Variants in AHCYL2 observed in about 807,000 individuals in gnomAD.
The protein encoded by AHCYL2 is adenosylhomocysteinase like 2.
A neutral mutation model predicts 81.4 loss-of-function variants in AHCYL2; 28 were observed. The observed-to-expected ratio is 0.34, with a 90% CI of 0.25 to 0.47. The LOEUF (loss-of-function observed/expected upper bound fraction) is 0.47, where lower values mean the gene tolerates loss of function less well. Among genes scored for constraint, AHCYL2 ranks in the 20% least tolerant of loss-of-function variants. AHCYL2 has a pLI of 1.00. For synonymous variants in AHCYL2, 272 were observed against 290.2 expected (o/e 0.94, Z 0.64); for missense variants, 551 against 785.1 (o/e 0.70, Z 3.56).
Position 129,414,420 on chromosome 7 carries a change from C to CTTTTT in AHCYL2, c.1461+746_1461+750dup, listed in dbSNP as rs10653631. Among the ~76,000 whole-genome samples, 296 of 125,414 alleles carry CTTTTT rather than the reference C, an allele frequency of 2.4e-3. 9 individuals carry two copies. Among genetic ancestry groups the CTTTTT allele is most frequent in the Middle Eastern group, 4.3e-3 (1 of 230 alleles). 82.3% of individuals were successfully genotyped at this position (125,414 alleles called of 152,430 possible). On this transcript the variant is annotated intron_variant, in intron 12 of 16. Transcript: ENST00000325006. Reference sequence around the variant, plus strand: ...GTAATAGTTAATAGAAATGTTGTTTCTTTTTTTTTTTTTTTTTTGAGACGG... The same window carrying CTTTTT: ...GTAATAGTTAATAGAAATGTTGTTTCTTTTTTTTTTTTTTTTTTTTTTTGAGACGG...
Position 129,379,840 on chromosome 7 carries a change from G to A in AHCYL2, c.475+91G>A, listed in dbSNP as rs932040280. On this transcript the variant is annotated intron_variant, in intron 2 of 16. Coordinates refer to ENST00000325006, the MANE Select transcript of AHCYL2 (RefSeq NM_015328.4). Reference sequence around the variant, plus strand: ...TGTCTATCCAAGGCTAATTAAGCATGACCAAGACTGTGCTTTGAATAAATA... The same window carrying A: ...TGTCTATCCAAGGCTAATTAAGCATAACCAAGACTGTGCTTTGAATAAATA... 3 of 909,380 alleles carry A rather than the reference G, an allele frequency of 3.3e-6. No individual in the cohort carries two copies. The African/African-American group carries it at 5.1e-5, about 16-fold the overall frequency. The allele number at this position is 909,380 out of a possible 1,614,324, so 56.3% of individuals were successfully genotyped here. A position where few individuals can be genotyped will look rare whatever the true frequency, so the allele number is the denominator to read the frequency against.
intron 1 of AHCYL2, among the ~76,000 whole-genome samples, chr7:129,347,677 C>T (rs538688424): frequency 3.1e-4 from 47 of 152,178 alleles, no homozygotes; most frequent in African/African-American, 1.1e-3. Context: ...TGAACAATTA[C>T]AGTCCTTGGA....
chr7:129,239,206 A>G (rs2150686302), intron 1 of AHCYL2, among the ~76,000 whole-genome samples: 1 of 152,344 alleles, frequency 6.6e-6, no homozygotes, highest in Middle Eastern at 3.4e-3. Flanking sequence ...AGTTAGAGAC[A>G]GTTTATTAAG....
intron 1 of AHCYL2, among the ~76,000 whole-genome samples, chr7:129,255,431 A>G (rs1217798512): frequency 1.3e-5 from 2 of 152,256 alleles, no homozygotes; most frequent in Non-Finnish European, 2.9e-5. Context: ...TGTTGACAGT[A>G]TATCTGAATT....
intron 1 of AHCYL2, among the ~76,000 whole-genome samples, chr7:129,303,455 A>G (rs939168859): frequency 1.3e-5 from 2 of 152,226 alleles, no homozygotes; most frequent in Admixed American, 6.5e-5. Context: ...ATAATTGCTC[A>G]TAGTAGCCTC....
chr7:129,281,009 G>A (rs1261352973), intron 1 of AHCYL2, among the ~76,000 whole-genome samples: 7 of 151,624 alleles, frequency 4.6e-5, no homozygotes, highest in Non-Finnish European at 8.8e-5. Flanking sequence ...GACTACAGGC[G>A]CCCGCCACCA....
chr7:129,245,284 C>G (rs995096372), intron 1 of AHCYL2, among the ~76,000 whole-genome samples: 8 of 152,154 alleles, frequency 5.3e-5, no homozygotes, highest in Admixed American at 5.2e-4. Context: ...CTCAGCCTCC[C>G]AAAGTGCTGG....
intron 1 of AHCYL2, among the ~76,000 whole-genome samples, chr7:129,284,648 T>C (rs1251858970): frequency 1.3e-5 from 2 of 151,034 alleles, no homozygotes; most frequent in Non-Finnish European, 2.9e-5. Flanking sequence ...GGGGCCATCC[T>C]GAGACAATGT....
At chr7:129,318,328 C>G (rs956986180) in intron 1 of AHCYL2, among the ~76,000 whole-genome samples, 4 of 152,210 alleles carry the variant, frequency 2.6e-5, no homozygotes, top group South Asian at 2.1e-4. Flanking sequence ...CTTCTGGGCT[C>G]AAGTGATCCT....
chr7:129,403,066 A>G (rs147533410), intron 6 of AHCYL2, among the ~76,000 whole-genome samples: 221 of 152,296 alleles, frequency 1.5e-3, no homozygotes, highest in African/African-American at 5.2e-3. Context: ...CCTAGTAACT[A>G]CAAGTTACCA....
chr7:129,406,478 C>T lies in AHCYL2; in HGVS notation c.1295+12C>T, dbSNP rs145498675. The T allele has an allele frequency of 2.9e-4, 463 of 1,612,212 alleles. 1 individual carries two copies. In the African/African-American group the frequency reaches 5.3e-3, roughly 18 times the overall value. The stretch of plus-strand genomic sequence containing the variant: ...GCCCTGCAAGCCTGGTAAGCCTCTA[C>T]GCTACCATCTCACTTGCAATCTCGG... On this transcript the variant is annotated intron_variant, in intron 10 of 16. Transcript: ENST00000325006. This position sits in a 1 kb window ranked among gnomAD's most constrained non-coding sequence, Gnocchi z 4.3.
intron 1 of AHCYL2, among the ~76,000 whole-genome samples, chr7:129,290,798 C>T (rs1478203250): frequency 9.3e-5 from 14 of 150,052 alleles, no homozygotes; most frequent in Admixed American, 2.7e-4. Context: ...GGCGCAGTGG[C>T]GGGCGCCTGT....
chr7:129,230,256 T>C (rs984240576), intron 1 of AHCYL2, among the ~76,000 whole-genome samples: 1 of 151,458 alleles, frequency 6.6e-6, no homozygotes, highest in Admixed American at 6.6e-5. Flanking sequence ...CTGATTTTTT[T>C]AATTTTTAGT....
chr7:129,376,874 G>A (rs1007437502), intron 1 of AHCYL2, among the ~76,000 whole-genome samples: 1 of 152,226 alleles, frequency 6.6e-6, no homozygotes, highest in African/African-American at 2.4e-5. Context: ...TTTTGAACAA[G>A]GTTGGTGAAA....
chr7:129,319,464 A>T (rs1797937772), intron 1 of AHCYL2, among the ~76,000 whole-genome samples: 3 of 152,126 alleles, frequency 2.0e-5, no homozygotes, highest in African/African-American at 7.2e-5. Flanking sequence ...AAAAAAAAGA[A>T]AAAAGAAAAT....
intron 1 of AHCYL2, among the ~76,000 whole-genome samples, chr7:129,269,576 T>C (rs946235198): frequency 9.6e-6 from 1 of 103,938 alleles, no homozygotes; most frequent in Admixed American, 1.1e-4. Flanking sequence ...CGGGAGCCAC[T>C]GTGCCGGTTT....
chr7:129,254,097 T>C (rs537949047), intron 1 of AHCYL2, among the ~76,000 whole-genome samples: 3 of 152,332 alleles, frequency 2.0e-5, no homozygotes, highest in Non-Finnish European at 4.4e-5. Flanking sequence ...TTTGAGATGT[T>C]AGTATAACAT....
At chr7:129,244,293 T>C (rs997878657) in intron 1 of AHCYL2, among the ~76,000 whole-genome samples, 1 of 152,074 alleles carries the variant, frequency 6.6e-6, no homozygotes, top group Non-Finnish European at 1.5e-5. Context: ...CATGAGCCAC[T>C]GTGCCTGGCC....
intron 1 of AHCYL2, among the ~76,000 whole-genome samples, chr7:129,309,952 T>A (rs1797593088): frequency 6.6e-6 from 1 of 152,200 alleles, no homozygotes; most frequent in South Asian, 2.1e-4. Context: ...AGGCTTTCTC[T>A]TGTGAACTCT....
Sources: gnomAD v4.1 joint callset for allele counts (sites outside exome capture counted in the v4.1 genomes callset) on GRCh38, gnomAD v4.1.1 for gene constraint, Gnocchi (gnomAD v3.1) non-coding constraint, MANE v1.5 for transcripts, NCBI Gene and HGNC (gene_info 2026-07-23, HGNC 2026-07-21) for gene names.